The following ANO10 variants were observed in gnomAD, a reference collection of about 807,000 sequenced individuals.
ANO10 encodes anoctamin 10.
In ANO10, 77 loss-of-function variants were observed where a neutral mutation model predicts 74.7. The observed-to-expected ratio is 1.03, with a 90% confidence interval of 0.86 to 1.25. The LOEUF is 1.25. Among genes scored for constraint, ANO10 ranks in the 50% most tolerant of loss-of-function variants. The pLI is 0.00. For missense variants in ANO10, 721 were observed against 778.1 expected, an observed-to-expected ratio of 0.93 and a Z score of 0.87; for synonymous variants, 279 against 284.9, an observed-to-expected ratio of 0.98 and a Z score of 0.21.
intron 12 of ANO10, among the ~76,000 whole-genome samples, chr3:43,372,482 C>T (rs1172495907): frequency 1.3e-5 from 2 of 152,216 alleles, no homozygotes; most frequent in East Asian, 1.9e-4. Flanking sequence ...CCTGCTGCCC[C>T]GCAATCCAAC....
At chr3:43,634,183 C>T (rs2083581194) in intron 1 of ANO10, among the ~76,000 whole-genome samples, 1 of 152,066 alleles carries the variant, frequency 6.6e-6, no homozygotes. Flanking sequence ...ACCATCACAA[C>T]TCATGAGTTT....
chr3:43,371,919 T>G (rs1056747969), intron 12 of ANO10, among the ~76,000 whole-genome samples: 2 of 152,096 alleles, frequency 1.3e-5, no homozygotes, highest in Admixed American at 6.5e-5. Flanking sequence ...ATATAATGAT[T>G]AAAAAGTCCA....
intron 8 of ANO10, among the ~76,000 whole-genome samples, chr3:43,563,595 C>T (rs1326849217): frequency 6.6e-6 from 1 of 152,106 alleles, no homozygotes; most frequent in Non-Finnish European, 1.5e-5. Flanking sequence ...GAAACAGAAT[C>T]AACCTCAGTG....
At chr3:43,531,452 A>G (rs1349282234) in intron 11 of ANO10, among the ~76,000 whole-genome samples, 1 of 152,222 alleles carries the variant, frequency 6.6e-6, no homozygotes, top group Admixed American at 6.5e-5. Context: ...TCTATGGAAG[A>G]GTCTTTTCTT....
chr3:43,665,206 T>A (rs1244961467), intron 1 of ANO10, among the ~76,000 whole-genome samples: 1 of 152,130 alleles, frequency 6.6e-6, no homozygotes, highest in East Asian at 1.9e-4. Flanking sequence ...TAAAAAAGGA[T>A]GAGTTCATGT....
chr3:43,399,080 G>A (rs763674785), intron 12 of ANO10, among the ~76,000 whole-genome samples: 1 of 152,308 alleles, frequency 6.6e-6, no homozygotes, highest in Non-Finnish European at 1.5e-5. Context: ...CACTCACCTC[G>A]AACTTCAAAA....
intron 11 of ANO10, among the ~76,000 whole-genome samples, chr3:43,523,201 C>T (rs1049858433): frequency 1.3e-5 from 2 of 152,172 alleles, no homozygotes; most frequent in South Asian, 2.1e-4. Flanking sequence ...GCAGAGGAAA[C>T]AGCACAGCCT....
intron 1 of ANO10, among the ~76,000 whole-genome samples, chr3:43,677,947 C>G (rs1452617762): frequency 6.6e-6 from 1 of 152,220 alleles, no homozygotes; most frequent in East Asian, 1.9e-4. Flanking sequence ...GAAGGAAAAA[C>G]AAACACTAAT....
chr3:43,599,584 A>G (rs995136965), intron 3 of ANO10, among the ~76,000 whole-genome samples: 1 of 152,136 alleles, frequency 6.6e-6, no homozygotes, highest in African/African-American at 2.4e-5. Flanking sequence ...ATTTCTTTTT[A>G]CATGATTGTT....
intron 11 of ANO10, among the ~76,000 whole-genome samples, chr3:43,540,594 A>C (rs950756596): frequency 1.3e-5 from 2 of 152,352 alleles, no homozygotes; most frequent in East Asian, 1.9e-4. Context: ...TGCCAATTAC[A>C]GTAACAAGAA....
chr3:43,520,108 C>T (rs2077883713), intron 11 of ANO10, among the ~76,000 whole-genome samples: 2 of 152,096 alleles, frequency 1.3e-5, no homozygotes, highest in Admixed American at 1.3e-4. Context: ...CTTCCACAAC[C>T]AGTGAAATGT....
chr3:43,623,240 GGAGA>G (rs886275146), upstream of ANO10, among the ~76,000 whole-genome samples: 10 of 151,568 alleles, frequency 6.6e-5, no homozygotes, highest in South Asian at 4.2e-4. Flanking sequence ...TAAGATATTT[GGAGA>G]GAGAGAGAGA....
intron 12 of ANO10, among the ~76,000 whole-genome samples, chr3:43,408,547 A>G (rs1248559713): frequency 6.6e-6 from 1 of 152,182 alleles, no homozygotes; most frequent in Non-Finnish European, 1.5e-5. Flanking sequence ...AAAGGTGCAT[A>G]AAGATTGTCT....
chr3:43,434,163 G>A (rs992504467), intron 11 of ANO10, among the ~76,000 whole-genome samples: 4 of 152,136 alleles, frequency 2.6e-5, no homozygotes, highest in Admixed American at 2.0e-4. Context: ...GCTAAGCAGT[G>A]GCTGGTATTA....
intron 12 of ANO10, among the ~76,000 whole-genome samples, chr3:43,428,795 G>GAAAAAAAAAAAAAAA (rs1245373022): frequency 8.8e-4 from 3 of 3,418 alleles, no homozygotes; most frequent in Non-Finnish European, 2.5e-3. Flanking sequence ...CTTTGTGAAT[G>GAAAAAAAAAAAAAAA]CAAAAAAAAA....
intron 11 of ANO10, among the ~76,000 whole-genome samples, chr3:43,506,696 G>A (rs2077307083): frequency 6.6e-6 from 1 of 152,052 alleles, no homozygotes; most frequent in African/African-American, 2.4e-5. Context: ...TGTGCCTTCT[G>A]CCTGCACTGC....
Position 43,370,138 on chromosome 3 carries a change from G to A in ANO10, c.1915-3164C>T, listed in dbSNP as rs76053867. 2.6e-3 allele frequency among the ~76,000 whole-genome samples: 393 copies of A among 152,286 alleles called. 20 individuals are homozygous for A. The East Asian group carries it at 0.066, about 25-fold the overall frequency. Reference sequence around the variant, plus strand: ...GAGGCTGAGCCCTAACCACAGCCCTGGCCCAAGAGCACTTCCCACACCCTC... The same window carrying A: ...GAGGCTGAGCCCTAACCACAGCCCTAGCCCAAGAGCACTTCCCACACCCTC... On this transcript the variant is annotated intron_variant, in intron 12 of 12. Coordinates refer to ENST00000292246, the MANE Select transcript of ANO10 (RefSeq NM_018075.5).
Position 43,441,611 on chromosome 3 carries a change from A to G in ANO10, c.1798-8884T>C, listed in dbSNP as rs72863695. Among the ~76,000 whole-genome samples the G allele has an allele frequency of 5.8e-3, 889 of 152,248 alleles. 7 individuals are homozygous for G. The highest frequency in any genetic ancestry group is 0.019 in the African/African-American group (807 of 41,556). The stretch of plus-strand genomic sequence containing the variant: ...AAGAATTACCACCAATACACCTCGA[A>G]TTCTTCCAAAATACTGACAAGAAGG... On this transcript the variant is annotated intron_variant, in intron 11 of 12. Coordinates refer to ENST00000292246, the MANE Select transcript of ANO10 (RefSeq NM_018075.5).
At chr3:43,552,699 T>G (rs1180711045) in intron 10 of ANO10, among the ~76,000 whole-genome samples, 22 of 20,668 alleles carry the variant, frequency 1.1e-3, no homozygotes, top group South Asian at 2.7e-3. Context: ...TATCTCTGGA[T>G]ATATATATAT....
Sources: allele counts gnomAD v4.1 joint callset (sites outside exome capture counted in the v4.1 genomes callset), GRCh38; gene constraint gnomAD v4.1.1; transcripts MANE v1.5; gene names NCBI Gene and HGNC (gene_info 2026-07-23, HGNC 2026-07-21).